NFIA: variants seen among roughly 807,000 people sequenced by gnomAD.
The protein encoded by NFIA is nuclear factor I A, also known as nuclear factor 1 A-type.
A neutral mutation model predicts 62.8 loss-of-function variants in NFIA; 8 were observed. That is an observed-to-expected ratio of 0.13 (90% CI 0.07 to 0.23). NFIA has a LOEUF of 0.23. Among genes scored for constraint, NFIA ranks in the 10% least tolerant of loss-of-function variants. The pLI is 1.00. For missense variants in NFIA, 410 were observed against 642.1 expected (o/e 0.64, Z 3.91); for synonymous variants, 235 against 238.1 (o/e 0.99, Z 0.12).
chr1:61,402,327 C>T (rs1486177278), intron 7 of NFIA, among the ~76,000 whole-genome samples: 1 of 152,122 alleles, frequency 6.6e-6, no homozygotes, highest in East Asian at 1.9e-4. Context: ...CATGAGCCAC[C>T]GTACCAGGCC....
chr1:61,345,699 T>C (rs1662193621), intron 4 of NFIA, among the ~76,000 whole-genome samples: 2 of 152,198 alleles, frequency 1.3e-5, no homozygotes, highest in Admixed American at 1.3e-4. Context: ...GGACCTGGGT[T>C]GCAGCCTCCT....
intron 2 of NFIA, among the ~76,000 whole-genome samples, chr1:61,201,220 A>G (rs10889214): frequency 0.29 from 44,788 of 152,000 alleles, 7,420 homozygotes; most frequent in East Asian, 0.52. Context: ...GGAAAATATA[A>G]TGATTGTTGA....
At chr1:61,230,120 A>T (rs1407205055) in intron 2 of NFIA, among the ~76,000 whole-genome samples, 3 of 152,222 alleles carry the variant, frequency 2.0e-5, no homozygotes, top group Non-Finnish European at 4.4e-5. Context: ...ATTAAAAAAC[A>T]TTTGGAATTA....
At chr1:61,330,648 T>G (rs1418721279) in intron 3 of NFIA, among the ~76,000 whole-genome samples, 1 of 152,134 alleles carries the variant, frequency 6.6e-6, no homozygotes, top group African/African-American at 2.4e-5. Flanking sequence ...ATATATTGCT[T>G]GCTTTTTTGG....
intron 2 of NFIA, chr1:61,251,291 G>C (rs545859109): frequency 6.6e-6 from 1 of 152,292 alleles, no homozygotes; most frequent in East Asian, 1.9e-4. Flanking sequence ...ACACCTTGTC[G>C]AAGTGGGAAA....
rs1227956724 is a variant in NFIA, at chr1:61,286,296, C to T, written c.625+8711C>T. Among the ~76,000 whole-genome samples the T allele has an allele frequency of 5.3e-5, 8 of 151,598 alleles. 1 individual carries two copies. Among genetic ancestry groups the T allele is most frequent in the Admixed American group, 5.3e-4 (8 of 15,228 alleles). ...AAAAAAAATTAGCCGGGTGTGGTTG[C>T]AGGCGCCTGTAGTCCCAGCTACTCA... On this transcript the variant is annotated intron_variant, in intron 3 of 10. Coordinates refer to ENST00000403491, the MANE Select transcript of NFIA (RefSeq NM_001134673.4).
At chr1:61,116,828 A>G (rs561974556) in intron 2 of NFIA, among the ~76,000 whole-genome samples, 32 of 152,220 alleles carry the variant, frequency 2.1e-4, no homozygotes, top group Non-Finnish European at 3.2e-4. Context: ...TAAATGGATG[A>G]AGGAAGACTT....
intron 2 of NFIA, among the ~76,000 whole-genome samples, chr1:61,117,888 A>G (rs1490099844): frequency 6.6e-6 from 1 of 152,156 alleles, no homozygotes; most frequent in African/African-American, 2.4e-5. Context: ...CAAATTATGG[A>G]ACATCGTCTG....
In NFIA at chr1:61,318,709, A is replaced by G. The variant is rs986226200; in HGVS notation, c.626-13803A>G. Among the ~76,000 whole-genome samples, 7 of 152,298 alleles carry G rather than the reference A, an allele frequency of 4.6e-5. No individual in the cohort carries two copies. In the East Asian group the frequency reaches 1.3e-3, roughly 29 times the overall value. On this transcript the variant is annotated intron_variant, in intron 3 of 10. Transcript: ENST00000403491. ...CTGTGGCTTGTTTGGAATAACATCT[A>G]GAGTTGCTATAGAAGGATGGAGGCA...
rs1050415122 is a variant in NFIA at position 61,460,906 on chromosome 1, T to G, written c.*5586T>G. Reference sequence around the variant, plus strand: ...TTCTTGTCAGCTAGGTTTAAAGGTATTTCACTGAGAACGCAAATTCTGTCT... The same window carrying G: ...TTCTTGTCAGCTAGGTTTAAAGGTAGTTCACTGAGAACGCAAATTCTGTCT... On this transcript the variant is annotated 3_prime_UTR_variant, in exon 11 of 11. Transcript: ENST00000403491. 2.0e-5 allele frequency: 3 copies of G among 152,242 alleles called. No homozygotes were observed. Among genetic ancestry groups the G allele is most frequent in the Non-Finnish European group, 2.9e-5 (2 of 68,052 alleles). The allele number at this position is 152,242 out of a possible 1,614,324, so 9.4% of individuals were successfully genotyped here.
intron 2 of NFIA, among the ~76,000 whole-genome samples, chr1:61,255,382 A>C (rs1241939540): frequency 1.3e-5 from 2 of 152,258 alleles, no homozygotes; most frequent in Non-Finnish European, 2.9e-5. Context: ...CTCTTGGTGT[A>C]AAACCATGAG....
chr1:61,288,705 T>C (rs1658667830), intron 3 of NFIA, among the ~76,000 whole-genome samples: 1 of 152,068 alleles, frequency 6.6e-6, no homozygotes, highest in East Asian at 1.9e-4. Context: ...CAAGAGTAGA[T>C]TGAGAGAACT....
At chr1:61,123,842 G>T (rs1276988618) in intron 2 of NFIA, among the ~76,000 whole-genome samples, 2 of 152,194 alleles carry the variant, frequency 1.3e-5, no homozygotes, top group Non-Finnish European at 2.9e-5. Flanking sequence ...GTATAAAGCT[G>T]ATGGTCCATC....
At chr1:61,224,120 A>G (rs1351928417) in intron 2 of NFIA, among the ~76,000 whole-genome samples, 1 of 152,104 alleles carries the variant, frequency 6.6e-6, no homozygotes, top group Non-Finnish European at 1.5e-5. Context: ...TAGGGAAATT[A>G]TTACTTAGTT....
intron 2 of NFIA, among the ~76,000 whole-genome samples, chr1:61,157,048 G>A (rs188403087): frequency 6.6e-6 from 1 of 152,342 alleles, no homozygotes; most frequent in East Asian, 1.9e-4. Context: ...AAAGAGAACT[G>A]CATTCATCAT....
chr1:61,196,847 A>G (rs936862062), intron 2 of NFIA, among the ~76,000 whole-genome samples: 7 of 152,114 alleles, frequency 4.6e-5, no homozygotes, highest in South Asian at 2.1e-4. Flanking sequence ...AACAGTGTCA[A>G]TAGTTAAAAA....
intron 2 of NFIA, among the ~76,000 whole-genome samples, chr1:61,218,097 A>G (rs1653761463): frequency 6.6e-6 from 1 of 152,236 alleles, no homozygotes. Context: ...CATTTGCCAA[A>G]CATTTTTACC....
At chr1:61,174,192 G>T (rs1650168601) in intron 2 of NFIA, among the ~76,000 whole-genome samples, 1 of 152,186 alleles carries the variant, frequency 6.6e-6, no homozygotes, top group East Asian at 1.9e-4. Context: ...AGATGGAGAG[G>T]TCGGCGGCTA....
intron 9 of NFIA, among the ~76,000 whole-genome samples, chr1:61,422,581 A>G (rs974109322): frequency 2.0e-5 from 3 of 152,088 alleles, no homozygotes; most frequent in Non-Finnish European, 4.4e-5. Context: ...AGTAAGCCAC[A>G]TTCATTTCTG....
Sources: gnomAD v4.1 joint callset for allele counts (sites outside exome capture counted in the v4.1 genomes callset) on GRCh38, gnomAD v4.1.1 for gene constraint, MANE v1.5 for transcripts, NCBI Gene and HGNC (gene_info 2026-07-23, HGNC 2026-07-21) for gene names.